TRHDE: variants seen among roughly 807,000 people sequenced by gnomAD.
TRHDE encodes thyrotropin-releasing hormone-degrading ectoenzyme.
A neutral mutation model predicts 125.7 loss-of-function variants in TRHDE; 72 were observed. That is an observed-to-expected ratio of 0.57 (90% CI 0.47 to 0.70). The LOEUF is 0.70. Among genes scored for constraint, TRHDE ranks in the 30% least tolerant of loss-of-function variants. TRHDE has a pLI of 0.00. For missense variants in TRHDE, 1,110 were observed against 1,327.1 expected (o/e 0.84, Z 2.54); for synonymous variants, 509 against 509.1 (o/e 1.00, Z 0.00).
At chr12:72,296,121 T>A (rs1020287512) in intron 2 of TRHDE, among the ~76,000 whole-genome samples, 1 of 152,200 alleles carries the variant, frequency 6.6e-6, no homozygotes, top group Non-Finnish European at 1.5e-5. Flanking sequence ...GCAGTTCATG[T>A]TGTATGTAGA....
At chr12:72,621,478 C>T (rs1414225101) in intron 14 of TRHDE, 166 bp from the exon 15 acceptor site, 1 of 611,698 alleles carries the variant, frequency 1.6e-6, no homozygotes, top group Non-Finnish European at 2.8e-6. Context: ...TACTGTTAAA[C>T]TTTTAGTATG....
intron 3 of TRHDE, among the ~76,000 whole-genome samples, chr12:72,420,089 G>A (rs1873889351): frequency 6.6e-6 from 1 of 152,144 alleles, no homozygotes; most frequent in Non-Finnish European, 1.5e-5. Context: ...TCTCTATTAA[G>A]CAGTGCTTTT....
chr12:72,194,547 C>G (rs1877401486), intron 2 of TRHDE, among the ~76,000 whole-genome samples: 1 of 152,068 alleles, frequency 6.6e-6, no homozygotes, highest in Non-Finnish European at 1.5e-5. Flanking sequence ...CTCCTTTCCC[C>G]TGCTAGTAGT....
chr12:72,639,789 G>A (rs1396885738), intron 15 of TRHDE, among the ~76,000 whole-genome samples: 1 of 152,154 alleles, frequency 6.6e-6, no homozygotes, highest in African/African-American at 2.4e-5. Context: ...CCCCTGCTAG[G>A]GGGTGCCTCC....
chr12:72,492,372 C>T (rs1877722449), intron 5 of TRHDE, among the ~76,000 whole-genome samples: 1 of 151,844 alleles, frequency 6.6e-6, no homozygotes, highest in Non-Finnish European at 1.5e-5. Context: ...ACTTTATAAA[C>T]AGTTGGATGA....
At chr12:72,601,489 GA>G (rs1009492748) in intron 12 of TRHDE, among the ~76,000 whole-genome samples, 1 of 152,088 alleles carries the variant, frequency 6.6e-6, no homozygotes, top group African/African-American at 2.4e-5. Flanking sequence ...TATGGTTTGA[GA>G]GGATTAACTC....
intron 7 of TRHDE, among the ~76,000 whole-genome samples, chr12:72,546,065 G>A (rs955835978): frequency 5.3e-5 from 8 of 151,654 alleles, no homozygotes; most frequent in Admixed American, 4.0e-4. Context: ...AAGCTACCAC[G>A]GTGGCTCAGT....
chr12:72,290,862 C>A (rs902993161), intron 2 of TRHDE, among the ~76,000 whole-genome samples: 1 of 152,168 alleles, frequency 6.6e-6, no homozygotes, highest in Admixed American at 6.5e-5. Flanking sequence ...TTTAAACTTA[C>A]CTTCAGAAGT....
At chr12:72,269,557 C>T (rs1232788034), upstream of TRHDE, among the ~76,000 whole-genome samples, 1 of 152,006 alleles carries the variant, frequency 6.6e-6, no homozygotes, top group East Asian at 1.9e-4. Flanking sequence ...CAAAGAAGAA[C>T]AGATGGAGGT....
intron 3 of TRHDE, among the ~76,000 whole-genome samples, chr12:72,394,760 C>T (rs944641775): frequency 1.7e-4 from 26 of 152,210 alleles, no homozygotes; most frequent in African/African-American, 4.8e-4. Flanking sequence ...TTGTTGAGAG[C>T]GAATTCCAGG....
intron 9 of TRHDE, 112 bp from the exon 10 acceptor site, chr12:72,568,456 A>G (rs1421583738): frequency 3.5e-6 from 2 of 566,246 alleles, no homozygotes; most frequent in South Asian, 3.9e-5. Flanking sequence ...ATTTTTTTTT[A>G]GTTCACCTAA....
intron 7 of TRHDE, among the ~76,000 whole-genome samples, chr12:72,558,107 A>C (rs149748687): frequency 2.4e-4 from 37 of 152,260 alleles, no homozygotes; most frequent in Non-Finnish European, 5.0e-4. Flanking sequence ...TGTTGGTTAA[A>C]TAGTGGTAAA....
intron 6 of TRHDE, among the ~76,000 whole-genome samples, chr12:72,517,714 C>G (rs1021916327): frequency 2.0e-5 from 3 of 151,748 alleles, no homozygotes; most frequent in African/African-American, 7.3e-5. Flanking sequence ...TGTTGCTTTT[C>G]TAGTTCTTTT....
chr12:72,528,874 CAAAAT>C (rs1026265108), intron 6 of TRHDE, among the ~76,000 whole-genome samples: 1 of 150,424 alleles, frequency 6.6e-6, no homozygotes, highest in African/African-American at 2.5e-5. Flanking sequence ...CAGAAATAAA[CAAAAT>C]AAAGATTTTT....
At chr12:72,317,029 CAT>C (rs913115902) in intron 2 of TRHDE, among the ~76,000 whole-genome samples, 28 of 152,286 alleles carry the variant, frequency 1.8e-4, no homozygotes, top group Non-Finnish European at 2.9e-5. Flanking sequence ...ATTCACCAAA[CAT>C]ATACTGAGCA....
intron 15 of TRHDE, among the ~76,000 whole-genome samples, chr12:72,641,055 G>A (rs1035166487): frequency 2.0e-5 from 3 of 152,162 alleles, no homozygotes; most frequent in Non-Finnish European, 2.9e-5. Flanking sequence ...GTTTATCCCT[G>A]TCCAATTAGG....
chr12:72,612,557 C>T (rs768231317), intron 12 of TRHDE, among the ~76,000 whole-genome samples: 7 of 152,042 alleles, frequency 4.6e-5, no homozygotes, highest in African/African-American at 1.4e-4. Flanking sequence ...GCTTGGCAAG[C>T]GGCTTATTTT....
chr12:72,531,613 AATC>A (rs1868559022), intron 6 of TRHDE, among the ~76,000 whole-genome samples: 1 of 151,922 alleles, frequency 6.6e-6, no homozygotes. Flanking sequence ...TGAGTTCTGT[AATC>A]ATCCATTTGG....
chr12:72,639,992 C>A lies in TRHDE; in HGVS notation c.2676-12330C>A, dbSNP rs1216989776. ...CCCTGCCCCCCAGAGGTGGAGCCTA[C>A]AGAGGCAGGCAGGCCTCCTTGAGCT... On this transcript the variant is annotated intron_variant, in intron 15 of 18. Transcript: ENST00000261180. Among the ~76,000 whole-genome samples the A allele has an allele frequency of 2.6e-5, 4 of 152,122 alleles. No individual in the cohort carries two copies. The South Asian group carries it at 8.3e-4, about 32-fold the overall frequency.
Sources: allele counts gnomAD v4.1 joint callset (sites outside exome capture counted in the v4.1 genomes callset), GRCh38; gene constraint gnomAD v4.1.1; transcripts MANE v1.5; gene names NCBI Gene and HGNC (gene_info 2026-07-23, HGNC 2026-07-21).